The following NRG1 variants were observed in gnomAD, a reference collection of about 807,000 sequenced individuals.
NRG1 encodes pro-neuregulin-1, membrane-bound isoform.
Under a neutral mutation model 63.8 loss-of-function variants are expected in NRG1, and 18 were observed. That is an observed-to-expected ratio of 0.28 (90% CI 0.19 to 0.42). The LOEUF (loss-of-function observed/expected upper bound fraction) is 0.42, where lower values mean the gene tolerates loss of function less well. Ranked by LOEUF, NRG1 falls within the 10% of genes least tolerant of loss-of-function variation. The pLI is 1.00. For synonymous variants in NRG1, 302 were observed against 301.3 expected, an observed-to-expected ratio of 1.00 and a Z score of -0.02; for missense variants, 762 against 814.7, an observed-to-expected ratio of 0.94 and a Z score of 0.79.
At chr8:31,997,414 C>T (rs189986422) in intron 1 of NRG1, among the ~76,000 whole-genome samples, 1 of 152,088 alleles carries the variant, frequency 6.6e-6, no homozygotes, top group Non-Finnish European at 1.5e-5. Context: ...CAATAGGGTG[C>T]AAATGTTCCT....
chr8:31,794,060 A>G (rs963090164), intron 1 of NRG1, among the ~76,000 whole-genome samples: 6 of 152,196 alleles, frequency 3.9e-5, no homozygotes, highest in Middle Eastern at 3.2e-3. Flanking sequence ...GAGTCTTTGC[A>G]GATTTTAAAG....
chr8:32,011,999 T>C (rs575128986), intron 1 of NRG1, among the ~76,000 whole-genome samples: 1 of 152,032 alleles, frequency 6.6e-6, no homozygotes, highest in Admixed American at 6.6e-5. Flanking sequence ...TGGGGAAAAA[T>C]TTAATGGGCA....
intron 5 of NRG1, among the ~76,000 whole-genome samples, chr8:32,658,411 A>C (rs1195981096): frequency 6.6e-6 from 1 of 152,196 alleles, no homozygotes; most frequent in Non-Finnish European, 1.5e-5. Flanking sequence ...TGATGTCTTT[A>C]GGACATAGTT....
In NRG1 at chr8:31,864,191, A is replaced by G. The variant is rs75050102; in HGVS notation, c.37+224760A>G. 5.3e-3 allele frequency among the ~76,000 whole-genome samples: 800 copies of G among 152,312 alleles called. 13 individuals are homozygous for G. Among genetic ancestry groups the G allele is most frequent in the African/African-American group, 0.019 (777 of 41,568 alleles). On this transcript the variant is annotated intron_variant, in intron 1 of 10. Coordinates refer to the NRG1 transcript ENST00000519301. ...TGTTTATTAATTCATGAATTCATTC[A>G]TGCAACACATTGCATTGAGCATCCA...
chr8:31,893,142 C>T (rs1195532943), intron 1 of NRG1, among the ~76,000 whole-genome samples: 4 of 149,996 alleles, frequency 2.7e-5, no homozygotes, highest in Admixed American at 2.0e-4. Flanking sequence ...TTAATATAAC[C>T]TATTTTGATA....
chr8:32,271,014 C>T (rs113640670), intron 1 of NRG1, among the ~76,000 whole-genome samples: 2,712 of 152,220 alleles, frequency 0.018, 78 homozygotes, highest in African/African-American at 0.062. Context: ...CTAGTTCCAT[C>T]AAAATATAAA....
chr8:32,059,249 A>G (rs1475250686), intron 1 of NRG1, among the ~76,000 whole-genome samples: 1 of 151,532 alleles, frequency 6.6e-6, no homozygotes, highest in Non-Finnish European at 1.5e-5. Flanking sequence ...ACTCTCTATC[A>G]TATTATCTAG....
intron 1 of NRG1, among the ~76,000 whole-genome samples, chr8:32,262,769 A>AT (rs1156374139): frequency 3.3e-5 from 5 of 152,170 alleles, no homozygotes; most frequent in Admixed American, 6.5e-5. Flanking sequence ...TTGGTTATAC[A>AT]TTTTTTGTTT....
chr8:31,832,221 G>C (rs1825229025), intron 1 of NRG1, among the ~76,000 whole-genome samples: 1 of 151,656 alleles, frequency 6.6e-6, no homozygotes, highest in African/African-American at 2.4e-5. Flanking sequence ...AGTTGAGGTG[G>C]GAAATAAGCC....
chr8:31,915,036 T>C (rs1294214721), intron 1 of NRG1, among the ~76,000 whole-genome samples: 1 of 149,364 alleles, frequency 6.7e-6, no homozygotes, highest in Non-Finnish European at 1.5e-5. Flanking sequence ...TTTTTTGTAA[T>C]TTATTGAATT....
chr8:32,079,148 T>TACAC (rs143380574), intron 1 of NRG1, among the ~76,000 whole-genome samples: 86,964 of 145,524 alleles, frequency 0.6, 26,649 homozygotes, highest in East Asian at 0.7. Flanking sequence ...TAGAATGAAA[T>TACAC]ACACACACAC....
chr8:32,176,194 C>T (rs565876847), intron 1 of NRG1, among the ~76,000 whole-genome samples: 80 of 152,282 alleles, frequency 5.3e-4, no homozygotes, highest in Non-Finnish European at 1.0e-3. Context: ...ACCATCTGAT[C>T]TTTGACAAAC....
chr8:32,216,413 TATATA>T (rs1209659029), intron 1 of NRG1, among the ~76,000 whole-genome samples: 1 of 148,626 alleles, frequency 6.7e-6, no homozygotes, highest in Non-Finnish European at 1.5e-5. Flanking sequence ...ATTTATATTA[TATATA>T]ATATAGGTTA....
intron 1 of NRG1, among the ~76,000 whole-genome samples, chr8:31,725,720 T>A (rs1049023075): frequency 6.6e-6 from 1 of 152,168 alleles, no homozygotes; most frequent in East Asian, 1.9e-4. Context: ...CTTTTGCAAC[T>A]CTTGGCCAAA....
chr8:32,740,761 G>T (rs932195401), intron 6 of NRG1, among the ~76,000 whole-genome samples: 2 of 152,134 alleles, frequency 1.3e-5, no homozygotes, highest in Non-Finnish European at 2.9e-5. Flanking sequence ...TGGTGAATTG[G>T]TTTGAAGGGA....
intron 1 of NRG1, among the ~76,000 whole-genome samples, chr8:32,506,096 A>T (rs982551153): frequency 6.6e-6 from 1 of 152,116 alleles, no homozygotes; most frequent in Non-Finnish European, 1.5e-5. Flanking sequence ...AAAAAAATTT[A>T]AAAATTACCT....
At chr8:32,664,650 T>A (rs572111942) in intron 5 of NRG1, among the ~76,000 whole-genome samples, 73 of 151,712 alleles carry the variant, frequency 4.8e-4, no homozygotes, top group African/African-American at 1.7e-3. Flanking sequence ...ATGATGATGA[T>A]GAAGATGGTG....
intron 1 of NRG1, among the ~76,000 whole-genome samples, chr8:32,294,411 G>T (rs183380714): frequency 1.3e-5 from 2 of 152,246 alleles, no homozygotes; most frequent in Admixed American, 1.3e-4. Context: ...AGGGAAAAAA[G>T]ACTTGTCATT....
intron 1 of NRG1, among the ~76,000 whole-genome samples, chr8:31,957,840 T>C (rs1804706724): frequency 6.6e-6 from 1 of 152,116 alleles, no homozygotes; most frequent in African/African-American, 2.4e-5. Flanking sequence ...TATTAAGTTG[T>C]AGAGAGAGAG....
Sources: allele counts gnomAD v4.1 joint callset (sites outside exome capture counted in the v4.1 genomes callset), GRCh38; gene constraint gnomAD v4.1.1; transcripts MANE v1.5; gene names NCBI Gene and HGNC (gene_info 2026-07-23, HGNC 2026-07-21).